The following ADGRA1 variants were observed in gnomAD, a reference collection of about 807,000 sequenced individuals.
The protein encoded by ADGRA1 is G-protein coupled receptor 123.
ADGRA1 carries 12 observed loss-of-function variants against 21.3 expected under a neutral mutation model. The ratio of observed to expected loss-of-function variants is 0.56; its 90% CI spans 0.36 to 0.91. The LOEUF is 0.91. Among genes scored for constraint, ADGRA1 ranks in the 40% least tolerant of loss-of-function variants. The probability of loss-of-function intolerance (pLI) is 0.01; values close to 1 mark genes in which losing one functional copy is unlikely to be tolerated. For synonymous variants in ADGRA1, 385 were observed against 368.8 expected (o/e 1.04, Z -0.50); for missense variants, 790 against 805.6 (o/e 0.98, Z 0.23).
intron 4 of ADGRA1, among the ~76,000 whole-genome samples, chr10:133,100,539 G>A (rs1324298648): frequency 1.3e-5 from 2 of 152,262 alleles, no homozygotes; most frequent in East Asian, 3.8e-4. Context: ...CGGGGCGGAT[G>A]CTGGGGTGTT....
chr10:133,093,101 C>G, intron 2 of ADGRA1: 1 of 1,597,572 alleles, frequency 6.3e-7, no homozygotes, highest in Non-Finnish European at 8.5e-7. Context: ...AGACCTAGCC[C>G]CGGACACCTC....
In ADGRA1 at chr10:133,131,047, G is replaced by T. The variant is rs1053773087; in HGVS notation, c.*1536G>T. On this transcript the variant is annotated 3_prime_UTR_variant, in exon 7 of 7. Transcript: ENST00000392607. ...GACTCGTCGGTGCGCTGTGCTATCC[G>T]GTTGGGAGGTCTCACCAGGAGCAGA... The T allele has an allele frequency of 6.6e-6, 1 of 152,220 alleles. No homozygotes were observed. Among genetic ancestry groups the T allele is most frequent in the East Asian group, 1.9e-4 (1 of 5,204 alleles). The allele number at this position is 152,220 out of a possible 1,614,324, so 9.4% of individuals were successfully genotyped here.
intron 5 of ADGRA1, among the ~76,000 whole-genome samples, chr10:133,122,347 C>T (rs1852285929): frequency 6.6e-6 from 1 of 152,206 alleles, no homozygotes. Context: ...CCCCGTGTCC[C>T]AGCGTGTGCT....
At chr10:133,110,041 G>T (rs183888615) in intron 5 of ADGRA1, among the ~76,000 whole-genome samples, 3 of 152,208 alleles carry the variant, frequency 2.0e-5, no homozygotes, top group Admixed American at 6.5e-5. Context: ...ACTCAGCAGC[G>T]GCGGCGTTCC....
At chr10:133,124,384 G>C (rs1376866222) in intron 5 of ADGRA1, among the ~76,000 whole-genome samples, 1 of 152,218 alleles carries the variant, frequency 6.6e-6, no homozygotes, top group East Asian at 1.9e-4. Context: ...CCAAGGGGAA[G>C]CTGTTAGGAT....
intron 2 of ADGRA1, among the ~76,000 whole-genome samples, chr10:133,089,265 C>A (rs991282919): frequency 2.6e-5 from 4 of 152,214 alleles, no homozygotes; most frequent in South Asian, 4.1e-4. Context: ...CCACCCCAAG[C>A]CCCTCCACCC....
At position 133,097,593 on chromosome 10, in the gene ADGRA1, C is replaced by T. The variant is rs890486758; in HGVS notation, c.131+492C>T. On this transcript the variant is annotated intron_variant, in intron 3 of 6. Coordinates refer to ENST00000392607, the MANE Select transcript of ADGRA1 (RefSeq NM_001083909.3). ...CTCGGTCACGGACAGAGCTTAGAGG[C>T]GCCCAGGGCCACAGTCTCATCAGAG... 9.9e-5 allele frequency among the ~76,000 whole-genome samples: 15 copies of T among 152,264 alleles called. No homozygotes were observed. The East Asian group carries it at 2.3e-3, about 24-fold the overall frequency.
chr10:133,102,863 C>G, intron 5 of ADGRA1, 21 bp downstream of exon 5: 1 of 1,592,078 alleles, frequency 6.3e-7, no homozygotes, highest in Non-Finnish European at 8.6e-7. Flanking sequence ...CACATGGGCG[C>G]GAGGCCCCGC....
intron 5 of ADGRA1, among the ~76,000 whole-genome samples, chr10:133,113,162 TGTAA>T (rs1852092674): frequency 7.2e-5 from 3 of 41,776 alleles, no homozygotes; most frequent in African/African-American, 3.1e-4. Context: ...ATTTGAGGTC[TGTAA>T]GCCGCGTCGG....
In ADGRA1 at chr10:133,088,857, C is replaced by T; in HGVS notation, c.-53C>T. 4 of 1,237,416 alleles carry T rather than the reference C, an allele frequency of 3.2e-6. No homozygotes were observed. The highest frequency in any genetic ancestry group is 4.0e-6 in the Non-Finnish European group (4 of 988,064). The allele number at this position is 1,237,416 out of a possible 1,614,324, so 76.7% of individuals were successfully genotyped here. A position where few individuals can be genotyped will look rare whatever the true frequency, so the allele number is the denominator to read the frequency against. ...GAGCAGGGCGCCACCTGATCGCCTC[C>T]CCCTGGACGCCTCCTCCAGCGGCGC... On this transcript the variant is annotated 5_prime_UTR_variant, in exon 2 of 7. Coordinates refer to ENST00000392607, the MANE Select transcript of ADGRA1 (RefSeq NM_001083909.3).
intron 2 of ADGRA1, among the ~76,000 whole-genome samples, chr10:133,090,339 C>T (rs766719122): frequency 1.8e-4 from 28 of 152,184 alleles, no homozygotes; most frequent in Non-Finnish European, 4.0e-4. Flanking sequence ...CACCCGGTCC[C>T]AGCCGGCCTG....
chr10:133,121,831 G>A (rs1283532673), intron 5 of ADGRA1, among the ~76,000 whole-genome samples: 1 of 146,738 alleles, frequency 6.8e-6, no homozygotes, highest in Non-Finnish European at 1.5e-5. Flanking sequence ...GCATGCCTGT[G>A]CATATATGTG....
chr10:133,125,644 T>C (rs577666304), intron 5 of ADGRA1, among the ~76,000 whole-genome samples: 3 of 152,202 alleles, frequency 2.0e-5, no homozygotes, highest in Admixed American at 2.0e-4. Context: ...TTAGCCAGGA[T>C]GGTCTCGGTC....
chr10:133,096,999 CCCGCTACCCAGGGGAGTTCCTGCA>C lies in ADGRA1; in HGVS notation c.32_55del (p.Arg11_His18del). 3 of 1,613,562 alleles carry C rather than the reference CCCGCTACCCAGGGGAGTTCCTGCA, an allele frequency of 1.9e-6. No individual in the cohort carries two copies. Among genetic ancestry groups the C allele is most frequent in the Non-Finnish European group, 8.5e-7 (1 of 1,179,848 alleles). On this transcript the variant is annotated inframe_deletion, in exon 3 of 7. Transcript: ENST00000392607. ...GATCTGAAGACAGTGCTCTCCCTGC[CCCGCTACCCAGGGGAGTTCCTGCA>C]CCCCGTGGTGTACGCGTGCACGGCC...
At chr10:133,092,788 A>AGGAG (rs1851619429) in intron 2 of ADGRA1, among the ~76,000 whole-genome samples, 1 of 137,006 alleles carries the variant, frequency 7.3e-6, no homozygotes, top group African/African-American at 2.7e-5. Flanking sequence ...GAAGGAAGGA[A>AGGAG]GGAAGGAAGA....
intron 2 of ADGRA1, chr10:133,095,891 C>A: frequency 7.4e-7 from 1 of 1,350,246 alleles, no homozygotes; most frequent in Non-Finnish European, 1.0e-6. Context: ...TCCTCCTGCC[C>A]CGATGCCCAG....
At chr10:133,090,747 GC>G (rs1851584946) in intron 2 of ADGRA1, among the ~76,000 whole-genome samples, 1 of 152,248 alleles carries the variant, frequency 6.6e-6, no homozygotes, top group Non-Finnish European at 1.5e-5. Context: ...GGGGCAAGCT[GC>G]CTGCTGAGCT....
At chr10:133,118,081 T>C (rs9419010) in intron 5 of ADGRA1, among the ~76,000 whole-genome samples, 75,958 of 152,048 alleles carry the variant, frequency 0.5, 20,680 homozygotes, top group African/African-American at 0.71. Flanking sequence ...GACACCACCG[T>C]CCCCAATCAG....
At chr10:133,113,686 C>T (rs912423761) in intron 5 of ADGRA1, among the ~76,000 whole-genome samples, 3 of 142,606 alleles carry the variant, frequency 2.1e-5, no homozygotes, top group Non-Finnish European at 4.5e-5. Context: ...AGGTCACAGG[C>T]GAGCAAGCGA....
Sources: allele counts gnomAD v4.1 joint callset (sites outside exome capture counted in the v4.1 genomes callset), GRCh38; gene constraint gnomAD v4.1.1; transcripts MANE v1.5; gene names NCBI Gene and HGNC (gene_info 2026-07-23, HGNC 2026-07-21).